RMST: variants seen among roughly 807,000 people sequenced by gnomAD.
RMST encodes the protein long intergenic non-protein coding RNA 54.
At chr12:97,491,629 C>A in intron 5 of RMST, 1 of 215,868 alleles carries the variant, frequency 4.6e-6, no homozygotes, top group Non-Finnish European at 1.0e-5. Flanking sequence ...ATTGTGCCAC[C>A]ATTGTCTTGT....
intron 5 of RMST, among the ~76,000 whole-genome samples, chr12:97,485,240 A>G (rs1875946941): frequency 6.6e-6 from 1 of 152,190 alleles, no homozygotes; most frequent in Non-Finnish European, 1.5e-5. Flanking sequence ...TCTCTAGTAA[A>G]TTAGCCACTG....
At chr12:97,491,540 C>A (rs938815776) in intron 5 of RMST, 6 of 172,032 alleles carry the variant, frequency 3.5e-5, no homozygotes, top group Non-Finnish European at 7.7e-5. Context: ...TATTTAAACT[C>A]TGTGGATTTC....
At chr12:97,512,220 C>T (rs961314293) in intron 10 of RMST, among the ~76,000 whole-genome samples, 4 of 151,958 alleles carry the variant, frequency 2.6e-5, no homozygotes, top group Non-Finnish European at 4.4e-5. Flanking sequence ...GCGTTCCTCC[C>T]GGTGGGTTCA....
intron 11 of RMST, among the ~76,000 whole-genome samples, chr12:97,531,788 A>G (rs2136591064): frequency 6.6e-6 from 1 of 152,022 alleles, no homozygotes; most frequent in Middle Eastern, 3.4e-3. Context: ...AAATGCAATA[A>G]TTTGTCTTTT....
intron 11 of RMST, among the ~76,000 whole-genome samples, chr12:97,549,242 G>A (rs565342791): frequency 2.5e-4 from 38 of 152,252 alleles, no homozygotes; most frequent in African/African-American, 8.2e-4. Context: ...ATGTTTTATC[G>A]TACCAAATCA....
chr12:97,466,819 A>G (rs1426466330), intron 5 of RMST, among the ~76,000 whole-genome samples: 1 of 152,112 alleles, frequency 6.6e-6, no homozygotes, highest in Non-Finnish European at 1.5e-5. Context: ...CTTATGTAAA[A>G]GTTATTTCAG....
intron 10 of RMST, among the ~76,000 whole-genome samples, chr12:97,512,886 G>C (rs922420299): frequency 1.0e-3 from 153 of 152,330 alleles, no homozygotes; most frequent in African/African-American, 3.4e-3. Flanking sequence ...CGGAGGCGAG[G>C]GGGAGGCTCA....
rs1875510357 is a variant in RMST at position 97,482,703 on chromosome 12, A to ATAAG, written n.645-9755_645-9754insGTAA. On this transcript the variant is annotated intron_variant and non_coding_transcript_variant, in intron 5 of 13. Transcript: ENST00000640149. Reference sequence around the variant, plus strand: ...AATTTATTTATTATTTATTTAATAAATAAATTTATATTATTTATTTATTAA... The same window carrying ATAAG: ...AATTTATTTATTATTTATTTAATAAATAAGTAAATTTATATTATTTATTTATTAA... Among the ~76,000 whole-genome samples the ATAAG allele has an allele frequency of 3.1e-5, 2 of 65,024 alleles. 1 individual carries two copies. The highest frequency in any genetic ancestry group is 2.0e-4 in the African/African-American group (2 of 9,840). The allele number at this position is 65,024 out of a possible 152,430, so 42.7% of individuals were successfully genotyped here.
intron 4 of RMST, chr12:97,465,196 G>A (rs1873039689): frequency 6.6e-6 from 1 of 152,212 alleles, no homozygotes; most frequent in African/African-American, 2.4e-5. Context: ...GATGGTATTG[G>A]GATCTGCTTT....
intron 11 of RMST, among the ~76,000 whole-genome samples, chr12:97,540,365 T>G (rs1296058066): frequency 6.6e-6 from 1 of 151,804 alleles, no homozygotes; most frequent in African/African-American, 2.4e-5. Context: ...TTTAAAAAAT[T>G]TAAAGCTCCT....
intron 11 of RMST, among the ~76,000 whole-genome samples, chr12:97,539,284 A>G (rs1242777198): frequency 6.6e-6 from 1 of 151,572 alleles, no homozygotes; most frequent in East Asian, 1.9e-4. Flanking sequence ...GGAAAGTTTC[A>G]TTTCCCTGTG....
intron 11 of RMST, among the ~76,000 whole-genome samples, chr12:97,537,804 T>G (rs1391761375): frequency 6.6e-6 from 1 of 151,514 alleles, no homozygotes; most frequent in Admixed American, 6.6e-5. Flanking sequence ...GATTTCTAAA[T>G]TTAATTCATA....
At chr12:97,475,464 T>C (rs942732409) in intron 5 of RMST, among the ~76,000 whole-genome samples, 1 of 152,104 alleles carries the variant, frequency 6.6e-6, no homozygotes, top group African/African-American at 2.4e-5. Flanking sequence ...CAAATTAGAT[T>C]AAAATTCCAG....
intron 11 of RMST, chr12:97,552,075 C>G (rs1883349115): frequency 6.6e-6 from 1 of 152,144 alleles, no homozygotes; most frequent in Admixed American, 6.6e-5. Flanking sequence ...TTCCCCCCAG[C>G]CTCTGAGGTG....
At chr12:97,531,070 A>G (rs75147056) in intron 11 of RMST, among the ~76,000 whole-genome samples, 6,482 of 151,836 alleles carry the variant, frequency 0.043, 178 homozygotes, top group Middle Eastern at 0.095. Context: ...TTGATGATGA[A>G]AATGGAATAT....
At chr12:97,478,742 CT>C (rs1874854950) in intron 5 of RMST, among the ~76,000 whole-genome samples, 1 of 152,152 alleles carries the variant, frequency 6.6e-6, no homozygotes, top group African/African-American at 2.4e-5. Flanking sequence ...AAAAAAGAGA[CT>C]TTTAGTGAAC....
chr12:97,552,673 G>A (rs1389148486), intron 11 of RMST, among the ~76,000 whole-genome samples: 2 of 152,182 alleles, frequency 1.3e-5, no homozygotes, highest in African/African-American at 4.8e-5. Flanking sequence ...CTACCTTTCA[G>A]TAGCTGCACC....
chr12:97,500,655 TGGG>T (rs767825509), intron 10 of RMST, among the ~76,000 whole-genome samples: 4 of 152,176 alleles, frequency 2.6e-5, no homozygotes, highest in Non-Finnish European at 4.4e-5. Context: ...CCTAGGATCC[TGGG>T]ATGCCGATAT....
At chr12:97,555,382 G>A (rs1328175136) in intron 11 of RMST, among the ~76,000 whole-genome samples, 1 of 151,946 alleles carries the variant, frequency 6.6e-6, no homozygotes, top group African/African-American at 2.4e-5. Flanking sequence ...TCCATGCTTT[G>A]GTGTATTTTA....
Sources: allele counts gnomAD v4.1 joint callset (sites outside exome capture counted in the v4.1 genomes callset), GRCh38; gene constraint gnomAD v4.1.1; transcripts MANE v1.5; gene names NCBI Gene and HGNC (gene_info 2026-07-23, HGNC 2026-07-21).